The following MAPK10 variants were observed in gnomAD, a reference collection of about 807,000 sequenced individuals.
MAPK10 encodes the protein mitogen-activated protein kinase 10, also known as JNK3 alpha protein kinase.
A neutral mutation model predicts 59.3 loss-of-function variants in MAPK10; 25 were observed. The observed-to-expected ratio is 0.42, with a 90% CI of 0.31 to 0.59. The LOEUF (loss-of-function observed/expected upper bound fraction) is 0.59, where lower values mean the gene tolerates loss of function less well. Among genes scored for constraint, MAPK10 ranks in the 20% least tolerant of loss-of-function variants. MAPK10 has a pLI of 0.15. For synonymous variants in MAPK10, 190 were observed against 200.5 expected (o/e 0.95, Z 0.44); for missense variants, 351 against 568.9 (o/e 0.62, Z 3.90).
In MAPK10 at chr4:86,283,219, G is replaced by A. The variant is rs112439528; in HGVS notation, c.-7+71311C>T. ...TTACCCTCTCTCTGAATAAGCCCTG[G>A]CCCAGTTCTGGAAAGCCATGTAGAA... On this transcript the variant is annotated intron_variant, in intron 2 of 13. Transcript: ENST00000641462. 3.8e-3 allele frequency among the ~76,000 whole-genome samples: 584 copies of A among 152,204 alleles called. 3 individuals carry two copies. Among genetic ancestry groups the A allele is most frequent in the Non-Finnish European group, 6.7e-3 (459 of 68,004 alleles).
intron 1 of MAPK10, among the ~76,000 whole-genome samples, chr4:86,451,580 G>C (rs547308517): frequency 2.6e-5 from 4 of 152,242 alleles, no homozygotes; most frequent in African/African-American, 9.7e-5. Context: ...TCCAGGAGGA[G>C]TGGGAGTGGT....
intron 1 of MAPK10, among the ~76,000 whole-genome samples, chr4:86,461,586 G>A (rs534310302): frequency 2.6e-5 from 4 of 152,246 alleles, no homozygotes; most frequent in African/African-American, 7.2e-5. Context: ...GTGGGCTCTG[G>A]TTCATTCCAT....
intron 1 of MAPK10, among the ~76,000 whole-genome samples, chr4:86,573,736 ATTAAG>A (rs1331041570): frequency 3.9e-5 from 6 of 152,184 alleles, no homozygotes; most frequent in Admixed American, 6.5e-5. Flanking sequence ...CTCTCCACTT[ATTAAG>A]TTTTCTCTCA....
At chr4:86,112,533 T>C (rs2057661393) in intron 4 of MAPK10, among the ~76,000 whole-genome samples, 1 of 152,160 alleles carries the variant, frequency 6.6e-6, no homozygotes, top group Non-Finnish European at 1.5e-5. Context: ...TTTGAGTGAG[T>C]TTCTTAATCT....
At chr4:86,565,291 A>C (rs1760981462) in intron 1 of MAPK10, among the ~76,000 whole-genome samples, 1 of 152,234 alleles carries the variant, frequency 6.6e-6, no homozygotes, top group Admixed American at 6.5e-5. Flanking sequence ...CAAAAGAATA[A>C]ATCCATGTAA....
intron 1 of MAPK10, among the ~76,000 whole-genome samples, chr4:86,439,967 T>C (rs1749221456): frequency 6.6e-6 from 1 of 152,160 alleles, no homozygotes; most frequent in African/African-American, 2.4e-5. Context: ...TGAGAAGAAA[T>C]ATAAAAACAT....
intron 10 of MAPK10, 90 bp from the exon 11 acceptor site, chr4:86,064,480 G>A (rs936251219): frequency 1.6e-6 from 2 of 1,235,074 alleles, no homozygotes; most frequent in African/African-American, 3.0e-5. Context: ...ACAAAGTATG[G>A]AATAGTATCT....
At chr4:86,588,370 T>C (rs1024249673) in intron 1 of MAPK10, among the ~76,000 whole-genome samples, 1 of 152,212 alleles carries the variant, frequency 6.6e-6, no homozygotes, top group African/African-American at 2.4e-5. Context: ...AGATTTTTTT[T>C]AATTTCAGAA....
At chr4:86,043,415 G>A (rs569890883) in intron 11 of MAPK10, among the ~76,000 whole-genome samples, 3 of 152,100 alleles carry the variant, frequency 2.0e-5, no homozygotes, top group Admixed American at 1.3e-4. Context: ...CACCTAAGAG[G>A]CCACTGGTGA....
chr4:86,296,394 C>G (rs562022492), intron 2 of MAPK10, among the ~76,000 whole-genome samples: 1 of 152,074 alleles, frequency 6.6e-6, no homozygotes, highest in Non-Finnish European at 1.5e-5. Flanking sequence ...TGAAAGGAAC[C>G]AATCCTGGGT....
Position 86,194,329 on chromosome 4 carries a change from C to T in MAPK10, c.66+7G>A, listed in dbSNP as rs750442229. 22 of 1,610,336 alleles carry T rather than the reference C, an allele frequency of 1.4e-5. No homozygotes were observed. Among genetic ancestry groups the T allele is most frequent in the Non-Finnish European group, 1.9e-5 (22 of 1,176,766 alleles). ...TGTACCTTGTTTTACCTGTAAGGAA[C>T]ACACACCTGACAAAAGGCAATTTTC... is the stretch of plus-strand genomic sequence containing the variant. On this transcript the variant is annotated splice_region_variant and intron_variant, in intron 3 of 13. Transcript: ENST00000641462.
intron 1 of MAPK10, among the ~76,000 whole-genome samples, chr4:86,547,602 A>G (rs111987981): frequency 0.047 from 7,132 of 152,204 alleles, 221 homozygotes; most frequent in African/African-American, 0.059. Flanking sequence ...GCTCCACAGC[A>G]CCCAGTCCCA....
At chr4:86,222,877 A>G (rs2089935779) in intron 2 of MAPK10, among the ~76,000 whole-genome samples, 1 of 152,200 alleles carries the variant, frequency 6.6e-6, no homozygotes, top group South Asian at 2.1e-4. Context: ...CTCTAAGGAG[A>G]GTCAGTTCAC....
intron 9 of MAPK10, chr4:86,091,145 G>A (rs577196428): frequency 3.3e-5 from 5 of 151,664 alleles, no homozygotes; most frequent in African/African-American, 1.2e-4. Context: ...TACATAGCAA[G>A]TCCCCAATAA....
chr4:86,188,764 A>T (rs1020912268), intron 3 of MAPK10, among the ~76,000 whole-genome samples: 5 of 151,976 alleles, frequency 3.3e-5, no homozygotes, highest in Non-Finnish European at 7.4e-5. Flanking sequence ...CCCATTTGTC[A>T]ATTTTGGCTT....
At chr4:86,545,052 C>CT (rs1219313666) in intron 1 of MAPK10, among the ~76,000 whole-genome samples, 1 of 152,020 alleles carries the variant, frequency 6.6e-6, no homozygotes, top group Admixed American at 6.5e-5. Flanking sequence ...TTTTTTCCTA[C>CT]TACAAAATAT....
chr4:86,414,771 G>T (rs779537089), intron 1 of MAPK10, among the ~76,000 whole-genome samples: 8 of 151,834 alleles, frequency 5.3e-5, no homozygotes, highest in Admixed American at 1.3e-4. Flanking sequence ...CCCCTAAAAA[G>T]GATATTTATG....
At chr4:86,199,405 CT>C (rs796683660) in intron 2 of MAPK10, among the ~76,000 whole-genome samples, 22 of 151,190 alleles carry the variant, frequency 1.5e-4, no homozygotes, top group African/African-American at 3.2e-4. Context: ...GACAACATCT[CT>C]TTTTTTTGTT....
chr4:86,148,766 G>C (rs1316729326), intron 4 of MAPK10, among the ~76,000 whole-genome samples: 1 of 152,194 alleles, frequency 6.6e-6, no homozygotes, highest in Non-Finnish European at 1.5e-5. Flanking sequence ...CTGAATTTGA[G>C]ATATCTGTGG....
Sources: gnomAD v4.1 joint callset for allele counts (sites outside exome capture counted in the v4.1 genomes callset) on GRCh38, gnomAD v4.1.1 for gene constraint, MANE v1.5 for transcripts, NCBI Gene and HGNC (gene_info 2026-07-23, HGNC 2026-07-21) for gene names.